TRIM33: variants seen among roughly 807,000 people sequenced by gnomAD.
TRIM33 encodes the protein tripartite motif containing 33, also known as E3 ubiquitin-protein ligase TRIM33.
A neutral mutation model predicts 125.4 loss-of-function variants in TRIM33; 20 were observed. That is an observed-to-expected ratio of 0.16 (90% CI 0.11 to 0.23). TRIM33 has a LOEUF of 0.23. Among genes scored for constraint, TRIM33 ranks in the 10% least tolerant of loss-of-function variants. The pLI is 1.00. For missense variants in TRIM33, 920 were observed against 1,411.4 expected, an observed-to-expected ratio of 0.65 and a Z score of 5.58; for synonymous variants, 564 against 513.9, an observed-to-expected ratio of 1.10 and a Z score of -1.32.
intron 1 of TRIM33, among the ~76,000 whole-genome samples, chr1:114,496,291 T>C (rs1652362965): frequency 6.6e-6 from 1 of 152,246 alleles, no homozygotes; most frequent in Non-Finnish European, 1.5e-5. Flanking sequence ...AATTTTAGCA[T>C]TCTATTAATA....
chr1:114,439,537 CA>C (rs71090776), intron 4 of TRIM33, among the ~76,000 whole-genome samples: 8 of 125,472 alleles, frequency 6.4e-5, no homozygotes, highest in Admixed American at 7.9e-5. Flanking sequence ...AGCCCTCCAT[CA>C]AAAAAAAAAC....
Position 114,396,056 on chromosome 1 carries a change from T to C in TRIM33, c.*1592A>G, listed in dbSNP as rs926274498. On this transcript the variant is annotated 3_prime_UTR_variant, in exon 20 of 20. Coordinates refer to ENST00000358465, the MANE Select transcript of TRIM33 (RefSeq NM_015906.4). ...ATGAATTTTTAAAAAGGCAAATAAA[T>C]GATTTGCCACAAATCTGCTGACTTC... is the stretch of plus-strand genomic sequence containing the variant. The C allele has an allele frequency of 1.5e-4, 30 of 199,900 alleles. No individual in the cohort carries two copies. The highest frequency in any genetic ancestry group is 1.7e-3 in the Middle Eastern group (1 of 602). 12.4% of individuals were successfully genotyped at this position (199,900 alleles called of 1,614,324 possible). A position where few individuals can be genotyped will look rare whatever the true frequency, so the allele number is the denominator to read the frequency against.
chr1:114,401,523 G>A (rs569513508), intron 16 of TRIM33, 60 bp from the exon 17 acceptor site: 13 of 1,411,042 alleles, frequency 9.2e-6, no homozygotes, highest in African/African-American at 4.3e-5. Flanking sequence ...AAACATTCTC[G>A]AGAATGAGAA....
At chr1:114,461,799 C>G (rs1650017721) in intron 4 of TRIM33, among the ~76,000 whole-genome samples, 1 of 152,120 alleles carries the variant, frequency 6.6e-6, no homozygotes, top group Admixed American at 6.6e-5. Flanking sequence ...AAAAGGTAAT[C>G]TAATGTCTTA....
In TRIM33 at chr1:114,393,453, A is replaced by T; in HGVS notation, c.*4195T>A. On this transcript the variant is annotated 3_prime_UTR_variant, in exon 20 of 20. Coordinates refer to ENST00000358465, the MANE Select transcript of TRIM33 (RefSeq NM_015906.4). ...ATAAATTTGGTGAATTTAAAAGAGG[A>T]GCATTTTTAATTTTAAAGATCACTT... 4.9e-6 allele frequency: 1 copy of T among 202,028 alleles called. No individual in the cohort carries two copies. Among genetic ancestry groups the T allele is most frequent in the East Asian group, 7.7e-5 (1 of 13,028 alleles). The allele number at this position is 202,028 out of a possible 1,614,324, so 12.5% of individuals were successfully genotyped here.
intron 1 of TRIM33, 69 bp downstream of exon 1, chr1:114,510,482 C>T (rs1653276816): frequency 1.5e-6 from 2 of 1,377,262 alleles, no homozygotes; most frequent in Non-Finnish European, 1.9e-6. Context: ...CCAGCACCTC[C>T]GTCCCCAGCT....
intron 6 of TRIM33, among the ~76,000 whole-genome samples, chr1:114,429,466 C>T (rs868257660): frequency 2.6e-5 from 4 of 152,024 alleles, no homozygotes; most frequent in Non-Finnish European, 5.9e-5. Flanking sequence ...GCTGGGATTA[C>T]AGGCGTGAGC....
chr1:114,446,802 C>G (rs973480863), intron 4 of TRIM33, among the ~76,000 whole-genome samples: 1 of 152,148 alleles, frequency 6.6e-6, no homozygotes, highest in Non-Finnish European at 1.5e-5. Flanking sequence ...TGCCTGTCAT[C>G]CCAACACTTC....
chr1:114,482,758 T>A (rs147255625), intron 1 of TRIM33, among the ~76,000 whole-genome samples: 1 of 152,294 alleles, frequency 6.6e-6, no homozygotes, highest in East Asian at 1.9e-4. Context: ...TGTTTGAAAG[T>A]CTGCAGCACT....
At chr1:114,414,041 A>G (rs1652774151) in intron 11 of TRIM33, among the ~76,000 whole-genome samples, 3 of 149,066 alleles carry the variant, frequency 2.0e-5, no homozygotes, top group Non-Finnish European at 1.5e-5. Context: ...ACACACACAC[A>G]CACACACACA....
intron 11 of TRIM33, among the ~76,000 whole-genome samples, chr1:114,412,705 T>A (rs898387144): frequency 3.3e-5 from 5 of 152,248 alleles, no homozygotes; most frequent in African/African-American, 1.2e-4. Flanking sequence ...TTTTCACTGT[T>A]AGTTACTATT....
At chr1:114,490,311 CA>C (rs1419556389) in intron 1 of TRIM33, among the ~76,000 whole-genome samples, 2 of 152,008 alleles carry the variant, frequency 1.3e-5, no homozygotes, top group African/African-American at 4.8e-5. Flanking sequence ...TCATTAGCCA[CA>C]AAAGAAATGC....
intron 1 of TRIM33, among the ~76,000 whole-genome samples, chr1:114,504,090 T>TAA (rs1280939385): frequency 6.6e-6 from 1 of 152,220 alleles, no homozygotes; most frequent in African/African-American, 2.4e-5. Context: ...GTTCTTTCTC[T>TAA]AAGTGTGTGA....
At chr1:114,420,825 A>C (rs896880708) in intron 11 of TRIM33, among the ~76,000 whole-genome samples, 1 of 152,176 alleles carries the variant, frequency 6.6e-6, no homozygotes, top group Admixed American at 6.5e-5. Context: ...TATATAATAC[A>C]CTATCAATCA....
At chr1:114,463,883 C>G (rs1650139528) in intron 2 of TRIM33, among the ~76,000 whole-genome samples, 1 of 151,866 alleles carries the variant, frequency 6.6e-6, no homozygotes, top group Non-Finnish European at 1.5e-5. Flanking sequence ...ATCCTCCAAC[C>G]TCAGCCTCCC....
chr1:114,417,848 G>A (rs1326538894), intron 11 of TRIM33, among the ~76,000 whole-genome samples: 4 of 152,008 alleles, frequency 2.6e-5, no homozygotes, highest in Non-Finnish European at 5.9e-5. Flanking sequence ...AGTAGATGGG[G>A]TTTCTCCATG....
At chr1:114,441,990 A>C (rs1020772452) in intron 4 of TRIM33, among the ~76,000 whole-genome samples, 1 of 152,350 alleles carries the variant, frequency 6.6e-6, no homozygotes, top group African/African-American at 2.4e-5. Flanking sequence ...CAAATGAATT[A>C]ATTCAAATTT....
At chr1:114,458,194 A>G (rs1649737801) in intron 4 of TRIM33, among the ~76,000 whole-genome samples, 1 of 152,210 alleles carries the variant, frequency 6.6e-6, no homozygotes, top group Non-Finnish European at 1.5e-5. Context: ...ATGAAAGGCT[A>G]TAAGGTTAGA....
intron 1 of TRIM33, among the ~76,000 whole-genome samples, chr1:114,497,216 T>G (rs949335175): frequency 6.6e-6 from 1 of 152,334 alleles, no homozygotes; most frequent in East Asian, 1.9e-4. Flanking sequence ...CATTATAGCA[T>G]GAAAGTAGTC....
Sources: gnomAD v4.1 joint callset for allele counts (sites outside exome capture counted in the v4.1 genomes callset) on GRCh38, gnomAD v4.1.1 for gene constraint, MANE v1.5 for transcripts, NCBI Gene and HGNC (gene_info 2026-07-23, HGNC 2026-07-21) for gene names.